SLC14A2: variants seen among roughly 807,000 people sequenced by gnomAD.
SLC14A2 encodes the protein solute carrier family 14 member 2.
In SLC14A2, 91 loss-of-function variants were observed where a neutral mutation model predicts 104.6. The ratio of observed to expected loss-of-function variants is 0.87; its 90% CI spans 0.73 to 1.04. The LOEUF (loss-of-function observed/expected upper bound fraction) is 1.04, where lower values mean the gene tolerates loss of function less well. SLC14A2 is among the 50% of genes least tolerant of loss of function. SLC14A2 has a pLI of 0.00. For missense variants in SLC14A2, 1,189 were observed against 1,156.0 expected (o/e 1.03, Z -0.41); for synonymous variants, 476 against 466.4 (o/e 1.02, Z -0.27).
chr18:45,543,843 A>G (rs1341785891), intron 2 of SLC14A2, among the ~76,000 whole-genome samples: 1 of 152,236 alleles, frequency 6.6e-6, no homozygotes, highest in Admixed American at 6.5e-5. Flanking sequence ...AGAGTGGCTC[A>G]TTGTGCCTAA....
intron 1 of SLC14A2, among the ~76,000 whole-genome samples, chr18:45,325,049 A>G (rs1213820316): frequency 6.6e-6 from 1 of 152,150 alleles, no homozygotes; most frequent in Non-Finnish European, 1.5e-5. Context: ...AGCCAGCCAG[A>G]TGAGGCCGTG....
rs59843067 is a variant in SLC14A2 at position 45,648,195 on chromosome 18, C to CTTTTTTTTTTTTTTTTTTT, written c.1351+4045_1351+4063dup. Reference sequence around the variant, plus strand: ...GTTACCCTCTTTATTCTAGTTAATGCTTTTTTTTTTTTTTTTTTTTTTTTT... The same window carrying CTTTTTTTTTTTTTTTTTTT: ...GTTACCCTCTTTATTCTAGTTAATGCTTTTTTTTTTTTTTTTTTTTTTTTTTTTTTTTTTTTTTTTTTTT... On this transcript the variant is annotated intron_variant, in intron 10 of 19. Transcript: ENST00000255226. Among the ~76,000 whole-genome samples the CTTTTTTTTTTTTTTTTTTT allele has an allele frequency of 2.0e-4, 20 of 101,230 alleles. 3 individuals carry two copies. The highest frequency in any genetic ancestry group is 6.6e-4 in the African/African-American group (17 of 25,934). The allele number at this position is 101,230 out of a possible 152,430, so 66.4% of individuals were successfully genotyped here. A position where few individuals can be genotyped will look rare whatever the true frequency, so the allele number is the denominator to read the frequency against.
At position 45,234,963 on chromosome 18, in the gene SLC14A2, T is replaced by C. The variant is rs373782105; in HGVS notation, c.-125+21772T>C. 1.6e-4 allele frequency among the ~76,000 whole-genome samples: 25 copies of C among 152,302 alleles called. No homozygotes were observed. The East Asian group carries it at 3.7e-3, about 22-fold the overall frequency. On this transcript the variant is annotated intron_variant, in intron 1 of 20. Coordinates refer to the SLC14A2 transcript ENST00000586448. ...TACATCACACAAATAGCAAAGTGAC[T>C]GTGCAGGTAGAACTTTAGGTGTTTT...
intron 1 of SLC14A2, among the ~76,000 whole-genome samples, chr18:45,432,395 AG>A (rs2086530759): frequency 6.6e-6 from 1 of 152,198 alleles, no homozygotes; most frequent in African/African-American, 2.4e-5. Context: ...CAAAAATAAT[AG>A]GTGATTAATT....
intron 1 of SLC14A2, among the ~76,000 whole-genome samples, chr18:45,364,743 C>T (rs2085649567): frequency 6.6e-6 from 1 of 152,142 alleles, no homozygotes; most frequent in South Asian, 2.1e-4. Flanking sequence ...ACCTAGCAAG[C>T]ATGATATGTT....
At chr18:45,540,185 G>A (rs1284525397) in intron 2 of SLC14A2, among the ~76,000 whole-genome samples, 1 of 152,080 alleles carries the variant, frequency 6.6e-6, no homozygotes, top group Non-Finnish European at 1.5e-5. Flanking sequence ...GGCAGGGTAA[G>A]GACTGAAGTG....
intron 1 of SLC14A2, among the ~76,000 whole-genome samples, chr18:45,220,986 A>G (rs147217737): frequency 1.7e-3 from 258 of 152,228 alleles, no homozygotes; most frequent in African/African-American, 6.0e-3. Flanking sequence ...TGTTAAGGAC[A>G]CCAGTCATAT....
chr18:45,439,440 T>C (rs1414190503), intron 1 of SLC14A2, among the ~76,000 whole-genome samples: 3 of 107,500 alleles, frequency 2.8e-5, no homozygotes, highest in Non-Finnish European at 6.2e-5. Flanking sequence ...ATGTATATAT[T>C]CTGATTTTTT....
chr18:45,237,086 C>T (rs1282942468), intron 1 of SLC14A2, among the ~76,000 whole-genome samples: 1 of 152,134 alleles, frequency 6.6e-6, no homozygotes, highest in Non-Finnish European at 1.5e-5. Flanking sequence ...CCAGAAGAGA[C>T]ACCAGCTCAG....
intron 1 of SLC14A2, among the ~76,000 whole-genome samples, chr18:45,320,108 A>G (rs1348275219): frequency 6.6e-6 from 1 of 152,174 alleles, no homozygotes; most frequent in Non-Finnish European, 1.5e-5. Context: ...TTGTTTAATA[A>G]TTGTTGCAAA....
intron 1 of SLC14A2, among the ~76,000 whole-genome samples, chr18:45,430,004 C>G (rs1268957532): frequency 6.6e-6 from 1 of 152,186 alleles, no homozygotes; most frequent in East Asian, 1.9e-4. Context: ...TCTCTTGATC[C>G]TCATTCATAG....
At chr18:45,262,445 G>A (rs1039533351) in intron 1 of SLC14A2, among the ~76,000 whole-genome samples, 10 of 152,178 alleles carry the variant, frequency 6.6e-5, no homozygotes, top group African/African-American at 2.4e-4. Context: ...TTCTGAGGAA[G>A]GGGATGCTGC....
intron 9 of SLC14A2, 41 bp from the exon 10 acceptor site, chr18:45,643,945 A>C: frequency 6.3e-7 from 1 of 1,589,512 alleles, no homozygotes; most frequent in Non-Finnish European, 8.6e-7. Flanking sequence ...CAACACAGGA[A>C]ACTAGGAAAC....
At position 45,310,551 on chromosome 18, in the gene SLC14A2, A is replaced by G. The variant is rs2085068308; in HGVS notation, c.-125+97360A>G. On this transcript the variant is annotated intron_variant, in intron 1 of 20. Transcript: ENST00000586448. ...GGTCCACTGATATCAGCCATTACCA[A>G]TATTTCCTAGATATTGGTTTAAAAG... 3.3e-5 allele frequency among the ~76,000 whole-genome samples: 5 copies of G among 152,230 alleles called. 1 individual carries two copies. In the South Asian group the frequency reaches 1.0e-3, roughly 31 times the overall value.
At chr18:45,626,322 C>T (rs928357201) in intron 3 of SLC14A2, among the ~76,000 whole-genome samples, 2 of 152,090 alleles carry the variant, frequency 1.3e-5, no homozygotes, top group Non-Finnish European at 2.9e-5. Flanking sequence ...TTTAACTTCT[C>T]GAACTAAACA....
chr18:45,445,897 G>T (rs1161400184), intron 1 of SLC14A2, among the ~76,000 whole-genome samples: 1 of 152,172 alleles, frequency 6.6e-6, no homozygotes, highest in Non-Finnish European at 1.5e-5. Context: ...GTAACACGTG[G>T]AAAGGAACAC....
chr18:45,663,907 G>T lies in SLC14A2; in HGVS notation c.1474G>T (p.Val492Leu). ...GTCATCCATTCGGAGGAGGAGCAAA[G>T]GTGTGCATGTCCTCCCCCTCACGCT... The part of the protein sequence containing the change: ...EWSSIRRRSK[V>L]FGKGEHQERQ... The change falls in exon 11 of 20, where the codon GTG (valine) becomes TTG (leucine). Residue 492 changes from valine to leucine, a missense_variant and splice_region_variant. By Grantham distance (32) the Val-to-Leu change is conservative. Coordinates refer to ENST00000255226, the MANE Select transcript of SLC14A2 (RefSeq NM_007163.4). 1 of 1,611,038 alleles carries T rather than the reference G, an allele frequency of 6.2e-7. No individual in the cohort carries two copies.
chr18:45,247,080 A>G (rs1291076968), intron 1 of SLC14A2, among the ~76,000 whole-genome samples: 1 of 152,182 alleles, frequency 6.6e-6, no homozygotes, highest in Non-Finnish European at 1.5e-5. Context: ...TTAACAGAAC[A>G]TCAAGTTTAA....
rs370935300 is a variant in SLC14A2 at position 45,533,023 on chromosome 18, C to A, written c.-35+49701C>A. On this transcript the variant is annotated intron_variant, in intron 2 of 20. Transcript: ENST00000586448. The stretch of plus-strand genomic sequence containing the variant: ...GTTTATTGATTTGCGTATGTTGAAC[C>A]AGCCTTGCATCCCAGGGATGAAGCC... Among the ~76,000 whole-genome samples, 863 of 152,234 alleles carry A rather than the reference C, an allele frequency of 5.7e-3. 47 individuals are homozygous for A. In the East Asian group the frequency reaches 0.14, roughly 25 times the overall value.
Sources: gnomAD v4.1 joint callset for allele counts (sites outside exome capture counted in the v4.1 genomes callset) on GRCh38, gnomAD v4.1.1 for gene constraint, MANE v1.5 for transcripts, NCBI Gene and HGNC (gene_info 2026-07-23, HGNC 2026-07-21) for gene names.